POFUT3: variants seen among roughly 807,000 people sequenced by gnomAD.
The protein encoded by POFUT3 is GDP-fucose protein O-fucosyltransferase 3.
At chr8:33,324,653 T>C in the POFUT3 span, among the ~76,000 whole-genome samples, 2 of 152,150 alleles carry the variant, frequency 1.3e-5, no homozygotes, top group African/African-American at 4.8e-5. Flanking sequence ...AAAACACTTT[T>C]AAAAGTCCCT....
chr8:33,355,047 G>A, the POFUT3 span, among the ~76,000 whole-genome samples: 1 of 152,164 alleles, frequency 6.6e-6, no homozygotes, highest in Non-Finnish European at 1.5e-5. Context: ...CCACAATGGA[G>A]AAATGGAAAT....
At chr8:33,407,894 T>TCGGGACATCTGTAGTCACAGCTACG in the POFUT3 span, among the ~76,000 whole-genome samples, 1 of 147,384 alleles carries the variant, frequency 6.8e-6, no homozygotes, top group Non-Finnish European at 1.5e-5. Flanking sequence ...TCACAGCTAC[T>TCGGGACATCTGTAGTCACAGCTACG]CGGGATCGGC....
At chr8:33,472,819 C>T in the POFUT3 span, among the ~76,000 whole-genome samples, 1 of 152,218 alleles carries the variant, frequency 6.6e-6, no homozygotes, top group African/African-American at 2.4e-5. Flanking sequence ...CAATCTCAGG[C>T]AGTGGCTCTG....
At chr8:33,334,748 T>G in the POFUT3 span, among the ~76,000 whole-genome samples, 1 of 152,326 alleles carries the variant, frequency 6.6e-6, no homozygotes, top group African/African-American at 2.4e-5. Flanking sequence ...CAGCCTCTGT[T>G]TACTTCGCTG....
At chr8:33,422,007 AC>A in the POFUT3 span, among the ~76,000 whole-genome samples, 2 of 147,996 alleles carry the variant, frequency 1.4e-5, no homozygotes, top group Admixed American at 6.8e-5. Flanking sequence ...TAAAAAAAAA[AC>A]AACCACACAG....
the POFUT3 span, among the ~76,000 whole-genome samples, chr8:33,416,825 G>A: frequency 4.1e-5 from 5 of 122,310 alleles, no homozygotes; most frequent in South Asian, 2.4e-4. Context: ...CAGCCTGGGC[G>A]ACGACAAAAA....
At chr8:33,432,646 T>C in the POFUT3 span, among the ~76,000 whole-genome samples, 7 of 152,160 alleles carry the variant, frequency 4.6e-5, no homozygotes, top group Non-Finnish European at 1.0e-4. Context: ...ATCAATGCTC[T>C]TTCCACATCA....
the POFUT3 span, among the ~76,000 whole-genome samples, chr8:33,460,188 C>CAA: frequency 1.4e-5 from 2 of 138,956 alleles, no homozygotes; most frequent in Non-Finnish European, 1.6e-5. Context: ...GACTCCACCT[C>CAA]AAAAAAAAAA....
the POFUT3 span, among the ~76,000 whole-genome samples, chr8:33,369,549 C>T: frequency 1.7e-3 from 261 of 152,268 alleles, 2 homozygotes; most frequent in African/African-American, 6.1e-3. Context: ...CTATCGTATT[C>T]TGTTACAGCA....
chr8:33,387,797 C>A, the POFUT3 span, among the ~76,000 whole-genome samples: 15 of 151,810 alleles, frequency 9.9e-5, no homozygotes, highest in East Asian at 2.9e-3. Context: ...GAGTGAGACT[C>A]GGTCTCAAAA....
chr8:33,452,068 T>G, the POFUT3 span: 1 of 148,820 alleles, frequency 6.7e-6, no homozygotes, highest in African/African-American at 2.5e-5. Flanking sequence ...TGTGTATATA[T>G]GCATGTATAT....
chr8:33,357,220 T>G, the POFUT3 span, among the ~76,000 whole-genome samples: 42 of 152,160 alleles, frequency 2.8e-4, no homozygotes, highest in Non-Finnish European at 5.1e-4. Flanking sequence ...AAGTCATTGG[T>G]AGCTTGATGG....
the POFUT3 span, among the ~76,000 whole-genome samples, chr8:33,392,257 T>C: frequency 3.9e-5 from 6 of 152,174 alleles, no homozygotes; most frequent in Non-Finnish European, 8.8e-5. Context: ...GCTTTCAAAC[T>C]AAACTTCTCT....
At chr8:33,338,444 A>C in the POFUT3 span, among the ~76,000 whole-genome samples, 1 of 152,332 alleles carries the variant, frequency 6.6e-6, no homozygotes, top group East Asian at 1.9e-4. Context: ...GACATTATAG[A>C]TAAGAAAACT....
At chr8:33,429,169 T>C in the POFUT3 span, among the ~76,000 whole-genome samples, 17 of 152,290 alleles carry the variant, frequency 1.1e-4, no homozygotes, top group Middle Eastern at 3.4e-3. Context: ...CTTAAAGATA[T>C]TAAGTAATGA....
the POFUT3 span, among the ~76,000 whole-genome samples, chr8:33,384,413 G>C: frequency 6.6e-6 from 1 of 152,154 alleles, no homozygotes; most frequent in East Asian, 1.9e-4. Flanking sequence ...CCTTTTACTC[G>C]AGAAGGAATA....
the POFUT3 span, among the ~76,000 whole-genome samples, chr8:33,347,018 C>T: frequency 6.6e-6 from 1 of 152,146 alleles, no homozygotes; most frequent in Non-Finnish European, 1.5e-5. Flanking sequence ...TATGGATCTC[C>T]AAAGTGCCTT....
At chr8:33,436,324 C>G in the POFUT3 span, 2 of 1,327,892 alleles carry the variant, frequency 1.5e-6, no homozygotes, top group Non-Finnish European at 2.2e-6. Flanking sequence ...ATGGTCTCCA[C>G]TGCATCCTCT....
At chr8:33,380,574 T>A in the POFUT3 span, among the ~76,000 whole-genome samples, 36 of 151,972 alleles carry the variant, frequency 2.4e-4, no homozygotes, top group Non-Finnish European at 4.6e-4. Context: ...CAGTGGCTCA[T>A]GCCTATAATC....
Sources: gnomAD v4.1 joint callset for allele counts (sites outside exome capture counted in the v4.1 genomes callset) on GRCh38, gnomAD v4.1.1 for gene constraint, MANE v1.5 for transcripts, NCBI Gene and HGNC (gene_info 2026-07-23, HGNC 2026-07-21) for gene names.